Variants in CDH18 observed in about 807,000 individuals in gnomAD.
CDH18 encodes cadherin 18.
In CDH18, 31 loss-of-function variants were observed where a neutral mutation model predicts 67.9. The observed-to-expected ratio is 0.46, with a 90% CI of 0.34 to 0.62. CDH18 has a LOEUF of 0.62. CDH18 is among the 20% of genes least tolerant of loss of function. CDH18 has a pLI of 0.01. For synonymous variants in CDH18, 362 were observed against 347.2 expected, an observed-to-expected ratio of 1.04 and a Z score of -0.48; for missense variants, 890 against 975.5, an observed-to-expected ratio of 0.91 and a Z score of 1.17.
chr5:20,028,860 G>A (rs571818707), intron 2 of CDH18, among the ~76,000 whole-genome samples: 56 of 152,232 alleles, frequency 3.7e-4, no homozygotes, highest in African/African-American at 1.3e-3. Flanking sequence ...ATCTCAGAAA[G>A]TGAAATTGTA....
chr5:19,761,999 C>T (rs908368024), intron 3 of CDH18, among the ~76,000 whole-genome samples: 3 of 152,098 alleles, frequency 2.0e-5, no homozygotes, highest in African/African-American at 7.2e-5. Flanking sequence ...GGAAAGGATT[C>T]CCTATTTAAT....
At chr5:19,702,649 T>A (rs1334093988) in intron 5 of CDH18, among the ~76,000 whole-genome samples, 1 of 151,898 alleles carries the variant, frequency 6.6e-6, no homozygotes, top group Admixed American at 6.5e-5. Flanking sequence ...GCACCTGTAA[T>A]CCCAGGCACT....
rs1554098737 is a variant in CDH18, at chr5:20,172,211, T to TATATATAC, written c.-518+83232_-518+83233insGTATATAT. 7.4e-5 allele frequency among the ~76,000 whole-genome samples: 4 copies of TATATATAC among 53,702 alleles called. 1 individual carries two copies. In the East Asian group the frequency reaches 1.5e-3, roughly 20 times the overall value. The allele number at this position is 53,702 out of a possible 152,430, so 35.2% of individuals were successfully genotyped here. A position where few individuals can be genotyped will look rare whatever the true frequency, so the allele number is the denominator to read the frequency against. ...GTGTGTATATATATATATATATATA[T>TATATATAC]ATATATATATATGTATATATATATA... On this transcript the variant is annotated intron_variant, in intron 2 of 14. Coordinates refer to the CDH18 transcript ENST00000507958.
chr5:20,365,235 A>AG (rs1742412203), intron 1 of CDH18, among the ~76,000 whole-genome samples: 1 of 152,112 alleles, frequency 6.6e-6, no homozygotes, highest in Non-Finnish European at 1.5e-5. Flanking sequence ...TGGCACAGGG[A>AG]GAGAGAGCAA....
chr5:19,898,457 T>A (rs2150105090), intron 2 of CDH18, among the ~76,000 whole-genome samples: 1 of 152,202 alleles, frequency 6.6e-6, no homozygotes, highest in East Asian at 1.9e-4. Flanking sequence ...ATCAAGAATG[T>A]TCTTCATGAA....
chr5:20,154,134 A>G (rs1464235192), intron 2 of CDH18, among the ~76,000 whole-genome samples: 1 of 152,140 alleles, frequency 6.6e-6, no homozygotes, highest in Non-Finnish European at 1.5e-5. Flanking sequence ...CCTTGGAGAG[A>G]GTTGGCTTTC....
chr5:20,117,618 GA>G (rs1341745504), intron 2 of CDH18, among the ~76,000 whole-genome samples: 5 of 152,110 alleles, frequency 3.3e-5, no homozygotes, highest in Non-Finnish European at 5.9e-5. Flanking sequence ...AAAACACATT[GA>G]CTTAGAAGAA....
chr5:20,055,288 C>T (rs1005578982), intron 2 of CDH18, among the ~76,000 whole-genome samples: 7 of 152,186 alleles, frequency 4.6e-5, no homozygotes, highest in Non-Finnish European at 7.3e-5. Context: ...AAATATTCTT[C>T]GCTTGTGAAA....
intron 1 of CDH18, among the ~76,000 whole-genome samples, chr5:20,430,309 T>G (rs1168622584): frequency 4.6e-5 from 7 of 152,164 alleles, no homozygotes; most frequent in Admixed American, 3.3e-4. Flanking sequence ...TTGCACACAT[T>G]GACTCCAGCT....
intron 1 of CDH18, among the ~76,000 whole-genome samples, chr5:20,479,298 G>A (rs1752636567): frequency 6.6e-6 from 1 of 152,068 alleles, no homozygotes; most frequent in Non-Finnish European, 1.5e-5. Flanking sequence ...CAATTCCAGA[G>A]TGACAGAGAT....
intron 1 of CDH18, among the ~76,000 whole-genome samples, chr5:20,404,246 C>T (rs1746030323): frequency 6.6e-6 from 1 of 152,134 alleles, no homozygotes. Context: ...ATCAGCAATA[C>T]AGCTATTTTG....
intron 8 of CDH18, among the ~76,000 whole-genome samples, chr5:19,561,185 T>G (rs552281306): frequency 6.6e-6 from 1 of 152,110 alleles, no homozygotes; most frequent in African/African-American, 2.4e-5. Flanking sequence ...AAGAAGGCAT[T>G]ATACAAAAAA....
chr5:20,065,050 C>T (rs1259401441), intron 2 of CDH18, among the ~76,000 whole-genome samples: 1 of 152,000 alleles, frequency 6.6e-6, no homozygotes, highest in African/African-American at 2.4e-5. Flanking sequence ...GCTACCCCTA[C>T]GATGCTTTCT....
intron 2 of CDH18, among the ~76,000 whole-genome samples, chr5:20,052,806 T>C (rs1054682900): frequency 1.2e-4 from 18 of 152,042 alleles, no homozygotes; most frequent in Non-Finnish European, 2.2e-4. Flanking sequence ...CCAAAGAATG[T>C]CATAAAGAAG....
intron 3 of CDH18, among the ~76,000 whole-genome samples, chr5:19,777,763 T>C (rs1220280802): frequency 6.6e-6 from 1 of 152,186 alleles, no homozygotes. Flanking sequence ...GTTTTATACC[T>C]GAAATTTTTC....
intron 2 of CDH18, among the ~76,000 whole-genome samples, chr5:19,844,675 G>A (rs1561426058): frequency 6.6e-6 from 1 of 152,144 alleles, no homozygotes; most frequent in Non-Finnish European, 1.5e-5. Context: ...AAAGATGTAG[G>A]AACAGTTGAG....
chr5:20,456,539 T>C (rs1002811798), intron 1 of CDH18, among the ~76,000 whole-genome samples: 4 of 152,172 alleles, frequency 2.6e-5, no homozygotes, highest in Non-Finnish European at 4.4e-5. Flanking sequence ...TTAACATGAA[T>C]GCAAATTCTC....
At chr5:19,587,935 C>T (rs548148175) in intron 7 of CDH18, among the ~76,000 whole-genome samples, 2 of 151,946 alleles carry the variant, frequency 1.3e-5, no homozygotes, top group South Asian at 2.1e-4. Context: ...GAATTTTTTT[C>T]GTTTGTTTCT....
chr5:20,243,317 A>G (rs1743130901), intron 2 of CDH18, among the ~76,000 whole-genome samples: 1 of 152,178 alleles, frequency 6.6e-6, no homozygotes, highest in African/African-American at 2.4e-5. Flanking sequence ...AATTAGCAGC[A>G]AAATCCTACA....
Sources: gnomAD v4.1 joint callset for allele counts (sites outside exome capture counted in the v4.1 genomes callset) on GRCh38, gnomAD v4.1.1 for gene constraint, MANE v1.5 for transcripts, NCBI Gene and HGNC (gene_info 2026-07-23, HGNC 2026-07-21) for gene names.